PLCL2: variants seen among roughly 807,000 people sequenced by gnomAD.
The protein encoded by PLCL2 is phospholipase C like 2.
A neutral mutation model predicts 79.6 loss-of-function variants in PLCL2; 4 were observed. That is an observed-to-expected ratio of 0.05 (90% CI 0.02 to 0.11). The LOEUF is 0.11. Among genes scored for constraint, PLCL2 ranks in the 10% least tolerant of loss-of-function variants. The pLI, the probability that PLCL2 is intolerant of heterozygous loss-of-function variation, is 1.00. For missense variants in PLCL2, 895 were observed against 1,291.0 expected, an observed-to-expected ratio of 0.69 and a Z score of 4.70; for synonymous variants, 484 against 457.7, an observed-to-expected ratio of 1.06 and a Z score of -0.73.
At chr3:16,946,239 C>G (rs2063599422) in intron 1 of PLCL2, among the ~76,000 whole-genome samples, 1 of 152,082 alleles carries the variant, frequency 6.6e-6, no homozygotes, top group African/African-American at 2.4e-5. Context: ...AAAAAGGAGG[C>G]AGCGGAGAGC....
intron 1 of PLCL2, among the ~76,000 whole-genome samples, chr3:16,977,489 C>T (rs1451447008): frequency 6.6e-6 from 1 of 152,156 alleles, no homozygotes; most frequent in Non-Finnish European, 1.5e-5. Context: ...CCATTCAGAT[C>T]TATTATTCCA....
intron 3 of PLCL2, among the ~76,000 whole-genome samples, chr3:17,017,997 G>A (rs1390419695): frequency 6.6e-6 from 1 of 152,124 alleles, no homozygotes; most frequent in Non-Finnish European, 1.5e-5. Context: ...GTGGTGGGGT[G>A]AGCCTGGGAC....
At chr3:16,955,453 A>T in intron 1 of PLCL2, among the ~76,000 whole-genome samples, 1 of 152,150 alleles carries the variant, frequency 6.6e-6, no homozygotes, top group East Asian at 1.9e-4. Flanking sequence ...GTTTGAAGTC[A>T]GGTAGCGTGA....
At chr3:16,937,246 T>A (rs1355153662) in intron 1 of PLCL2, among the ~76,000 whole-genome samples, 1 of 152,230 alleles carries the variant, frequency 6.6e-6, no homozygotes, top group African/African-American at 2.4e-5. Context: ...AGAGCAAGAA[T>A]AGGCTACCGG....
chr3:17,019,044 A>G (rs565784346), intron 3 of PLCL2, among the ~76,000 whole-genome samples: 11 of 152,370 alleles, frequency 7.2e-5, no homozygotes, highest in African/African-American at 1.7e-4. Flanking sequence ...TTTAAAATAT[A>G]TAAATGAATT....
chr3:17,037,734 A>G (rs1459909423), intron 3 of PLCL2, among the ~76,000 whole-genome samples: 1 of 152,212 alleles, frequency 6.6e-6, no homozygotes, highest in African/African-American at 2.4e-5. Flanking sequence ...AACTACTTTT[A>G]TAATTATTAG....
At chr3:16,940,920 G>A (rs1316791382) in intron 1 of PLCL2, among the ~76,000 whole-genome samples, 1 of 152,202 alleles carries the variant, frequency 6.6e-6, no homozygotes, top group Non-Finnish European at 1.5e-5. Context: ...AAACAGTGCT[G>A]TTGCAGTTAC....
At chr3:16,916,863 C>T (rs543509722) in intron 1 of PLCL2, among the ~76,000 whole-genome samples, 2 of 152,260 alleles carry the variant, frequency 1.3e-5, no homozygotes, top group African/African-American at 2.4e-5. Context: ...GCTTCCTTCT[C>T]TCTTTTGTGA....
At position 17,080,764 on chromosome 3, in the gene PLCL2, A is replaced by C. The variant is rs2065155125; in HGVS notation, c.3205-8969A>C. Among the ~76,000 whole-genome samples the C allele has an allele frequency of 4.0e-5, 6 of 151,870 alleles. No individual in the cohort carries two copies. The South Asian group carries it at 1.2e-3, about 31-fold the overall frequency. On this transcript the variant is annotated intron_variant, in intron 5 of 5. Coordinates refer to ENST00000615277, the MANE Select transcript of PLCL2 (RefSeq NM_001144382.2). The stretch of plus-strand genomic sequence containing the variant: ...CCACACCCGTTTCATTCTTTTGTTC[A>C]CTCATTCCTCATTCAACAAACACAC...
chr3:17,081,202 AAGG>A (rs1302998292), intron 5 of PLCL2: 1 of 456,752 alleles, frequency 2.2e-6, no homozygotes, highest in Non-Finnish European at 4.4e-6. Context: ...GAAAGACAGG[AAGG>A]AGGAGTATTT....
chr3:16,985,592 C>T (rs1273094923), intron 1 of PLCL2, among the ~76,000 whole-genome samples: 2 of 152,112 alleles, frequency 1.3e-5, no homozygotes, highest in Non-Finnish European at 1.5e-5. Flanking sequence ...AATTTGTGTA[C>T]TCCCAATGCT....
At chr3:17,019,291 A>G (rs1475765227) in intron 3 of PLCL2, among the ~76,000 whole-genome samples, 1 of 152,198 alleles carries the variant, frequency 6.6e-6, no homozygotes, top group Non-Finnish European at 1.5e-5. Flanking sequence ...GTCCTTGCAC[A>G]TTTTTGAGCA....
In PLCL2 at chr3:17,009,211, C is replaced by A. The variant is rs1469707510; in HGVS notation, c.328-463C>A. Among the ~76,000 whole-genome samples, 1 of 152,090 alleles carries A rather than the reference C, an allele frequency of 6.6e-6. No individual in the cohort carries two copies. Among genetic ancestry groups the A allele is most frequent in the Non-Finnish European group, 1.5e-5 (1 of 68,008 alleles). On this transcript the variant is annotated intron_variant, in intron 1 of 5. Coordinates refer to ENST00000615277, the MANE Select transcript of PLCL2 (RefSeq NM_001144382.2). This position sits in a 1 kb window ranked among gnomAD's most constrained non-coding sequence, Gnocchi z 4.0. ...CGTTGGCCAGGCTGGTCTCAAACTT[C>A]TGACCTTGGGTGATCTGCCCCTTCT...
At chr3:17,019,371 C>A (rs2064422027) in intron 3 of PLCL2, among the ~76,000 whole-genome samples, 1 of 152,184 alleles carries the variant, frequency 6.6e-6, no homozygotes, top group Admixed American at 6.5e-5. Flanking sequence ...TCAGAGACCA[C>A]CTATTGAGCA....
chr3:17,023,305 G>A (rs2064476483), intron 3 of PLCL2, among the ~76,000 whole-genome samples: 1 of 152,168 alleles, frequency 6.6e-6, no homozygotes, highest in Non-Finnish European at 1.5e-5. Context: ...CACCTTAGGG[G>A]ATAACACTCT....
At chr3:16,980,171 T>A (rs1466332356) in intron 1 of PLCL2, among the ~76,000 whole-genome samples, 1 of 31,030 alleles carries the variant, frequency 3.2e-5, no homozygotes, top group African/African-American at 1.3e-4. Context: ...CCTCCTGGAC[T>A]GAGTGGCTGG....
At chr3:16,918,032 G>A (rs147609150) in intron 1 of PLCL2, among the ~76,000 whole-genome samples, 47 of 152,282 alleles carry the variant, frequency 3.1e-4, no homozygotes, top group African/African-American at 1.0e-3. Flanking sequence ...GGATGAGTAC[G>A]TGAATATCCC....
Position 17,001,669 on chromosome 3 carries a change from A to G in PLCL2, c.328-8005A>G, listed in dbSNP as rs187580036. Among the ~76,000 whole-genome samples, 643 of 152,012 alleles carry G rather than the reference A, an allele frequency of 4.2e-3. 2 individuals carry two copies. The highest frequency in any genetic ancestry group is 0.015 in the African/African-American group (616 of 41,478). ...TTGAAAATTAGTTGGCTGTAAATGC[A>G]TTGATTTATTTCTGGGTTCTCTGTT... On this transcript the variant is annotated intron_variant, in intron 1 of 5. Transcript: ENST00000615277.
At chr3:16,905,159 G>A (rs1377506572) in intron 1 of PLCL2, among the ~76,000 whole-genome samples, 1 of 152,194 alleles carries the variant, frequency 6.6e-6, no homozygotes, top group Non-Finnish European at 1.5e-5. Flanking sequence ...TCATGACACA[G>A]ACAGCATCAG....
Sources: allele counts gnomAD v4.1 joint callset (sites outside exome capture counted in the v4.1 genomes callset), GRCh38; gene constraint gnomAD v4.1.1; non-coding constraint Gnocchi (gnomAD v3.1); transcripts MANE v1.5; gene names NCBI Gene and HGNC (gene_info 2026-07-23, HGNC 2026-07-21).